The following MICAL3 variants were observed in gnomAD, a reference collection of about 807,000 sequenced individuals.
MICAL3 encodes microtubule associated monooxygenase, calponin and LIM domain containing 3.
MICAL3 carries 62 observed loss-of-function variants against 207.4 expected under a neutral mutation model. The observed-to-expected ratio is 0.30, with a 90% CI of 0.24 to 0.37. MICAL3 has a LOEUF of 0.37. MICAL3 is among the 10% of genes least tolerant of loss of function. The pLI, the probability that MICAL3 is intolerant of heterozygous loss-of-function variation, is 1.00. For synonymous variants in MICAL3, 1,077 were observed against 1,069.3 expected, an observed-to-expected ratio of 1.01 and a Z score of -0.14; for missense variants, 2,368 against 2,635.6, an observed-to-expected ratio of 0.90 and a Z score of 2.22.
chr22:17,906,489 G>A lies in MICAL3; in HGVS notation c.264+60C>T, dbSNP rs186773009. Reference sequence around the variant, plus strand: ...TGGTGAATGGCCAGAGATGCAAGACGTTGTTGAGGGAGAAGGCATCTCGTC... The same window carrying A: ...TGGTGAATGGCCAGAGATGCAAGACATTGTTGAGGGAGAAGGCATCTCGTC... On this transcript the variant is annotated intron_variant, in intron 2 of 31. Transcript: ENST00000441493. 8.6e-5 allele frequency: 139 copies of A among 1,611,204 alleles called. 1 individual carries two copies. The African/African-American group carries it at 1.5e-3, about 17-fold the overall frequency.
chr22:17,941,932 G>A lies in MICAL3; in HGVS notation c.-74-35046C>T, dbSNP rs114106832. Among the ~76,000 whole-genome samples the A allele has an allele frequency of 9.0e-3, 1,368 of 152,262 alleles. 21 individuals are homozygous for A. Among genetic ancestry groups the A allele is most frequent in the African/African-American group, 0.031 (1,288 of 41,546 alleles). ...GGCCTGGGGCTGCAGCACAGGCAGCGGAACAGGCAGAGGTTCACCCACCTT... is the reference window on the plus strand; with the variant it reads ...GGCCTGGGGCTGCAGCACAGGCAGCAGAACAGGCAGAGGTTCACCCACCTT... On this transcript the variant is annotated intron_variant, in intron 1 of 31. Transcript: ENST00000441493.
Position 17,810,729 on chromosome 22 carries a change from C to T in MICAL3, c.5530G>A (p.Glu1844Lys). 6.2e-7 allele frequency: 1 copy of T among 1,614,020 alleles called. No homozygotes were observed. Among genetic ancestry groups the T allele is most frequent in the South Asian group, 1.1e-5 (1 of 91,076 alleles). ...KAARRQAKQEELKRLHRAQII... is the reference protein window; with the variant it reads ...KAARRQAKQEKLKRLHRAQII... ...TGGGCTCGATGCAGCCGCTTAAGCT[C>T]CTCCTGCTTGGCCTGTCTCCGAGCT... is the stretch of plus-strand genomic sequence containing the variant. Residue 1844 changes from glutamate to lysine, a missense_variant, in exon 28 of 32, where the codon GAG becomes AAG. This residue lies in a region of MICAL3 where 1,770 missense variants were observed against 1,863.2 expected (regional missense o/e 0.95). Coordinates refer to ENST00000441493, the MANE Select transcript of MICAL3 (RefSeq NM_015241.3).
At chr22:17,804,715 C>A (rs983699138) in intron 29 of MICAL3, among the ~76,000 whole-genome samples, 2 of 152,204 alleles carry the variant, frequency 1.3e-5, no homozygotes. Flanking sequence ...GAGCACAGCA[C>A]TCGGCCGCCA....
chr22:17,818,752 G>A lies in MICAL3; in HGVS notation c.3909C>T (p.Asp1303=), dbSNP rs764317227. The part of the protein sequence containing the change: ...LAPLPVQSQS[D]TKDRLGSPLA... ...GGGGGCTGCCCAGTCTGTCCTTGGTGTCACTTTGGCTTTGGACAGGGAGAG... is the reference window on the plus strand; with the variant it reads ...GGGGGCTGCCCAGTCTGTCCTTGGTATCACTTTGGCTTTGGACAGGGAGAG... Residue 1303 remains aspartate, a synonymous_variant, in exon 26 of 32, where the codon GAC becomes GAT. Transcript: ENST00000441493. 1 of 1,602,190 alleles carries A rather than the reference G, an allele frequency of 6.2e-7. No individual in the cohort carries two copies. The highest frequency in any genetic ancestry group is 1.1e-5 in the South Asian group (1 of 89,978).
chr22:17,978,708 G>C (rs1340210606), intron 1 of MICAL3, among the ~76,000 whole-genome samples: 1 of 151,704 alleles, frequency 6.6e-6, no homozygotes, highest in Non-Finnish European at 1.5e-5. Context: ...TAGTAGAGAC[G>C]GGGTTTCACC....
chr22:17,990,638 A>G (rs1921574311), intron 1 of MICAL3, among the ~76,000 whole-genome samples: 1 of 152,176 alleles, frequency 6.6e-6, no homozygotes, highest in African/African-American at 2.4e-5. Context: ...CCAAACTCTT[A>G]ACCACAACAC....
intron 19 of MICAL3, chr22:17,864,531 G>C (rs1385512239): frequency 1.4e-6 from 2 of 1,437,694 alleles, no homozygotes; most frequent in Non-Finnish European, 1.8e-6. Context: ...GATGGGAGCA[G>C]TGTCTGAGCG....
rs151250591 is a variant in MICAL3, at chr22:17,817,435, G to A, written c.5226C>T (p.Ser1742=). ...AAAKPKSLWK[S]VFSGYKKDKK... ...TGTCCTTCTTGTACCCGGAGAAGACGGACTTCCACAGGGACTTGGGTTTGG... is the reference window on the plus strand; with the variant it reads ...TGTCCTTCTTGTACCCGGAGAAGACAGACTTCCACAGGGACTTGGGTTTGG... The change falls in exon 26 of 32, where the codon TCC becomes TCT. Residue 1742 remains serine, a synonymous_variant. Coordinates refer to ENST00000441493, the MANE Select transcript of MICAL3 (RefSeq NM_015241.3). The A allele has an allele frequency of 2.6e-4, 424 of 1,613,710 alleles. 2 individuals are homozygous for A. The African/African-American group carries it at 5.0e-3, about 19-fold the overall frequency.
In MICAL3 at chr22:17,879,434, A is replaced by C. The variant is rs114324773; in HGVS notation, c.2241+6444T>G. 9.0e-4 allele frequency: 1,426 copies of C among 1,589,930 alleles called. 20 individuals carry two copies. The African/African-American group carries it at 0.018, about 20-fold the overall frequency. On this transcript the variant is annotated intron_variant, in intron 16 of 31. Coordinates refer to ENST00000441493, the MANE Select transcript of MICAL3 (RefSeq NM_015241.3). The stretch of plus-strand genomic sequence containing the variant: ...GCAACAAAGTAGAAACTTAAGCTCC[A>C]TGCATATCGCTCTATTTGGACCTAC...
rs1462319742 is a variant in MICAL3 at position 17,900,705 on chromosome 22, C to T, written c.847+137G>A. 4.5e-6 allele frequency: 3 copies of T among 667,168 alleles called. No homozygotes were observed. Among genetic ancestry groups the T allele is most frequent in the East Asian group, 2.7e-5 (1 of 37,042 alleles). 41.3% of individuals were successfully genotyped at this position (667,168 alleles called of 1,614,324 possible). A position where few individuals can be genotyped will look rare whatever the true frequency, so the allele number is the denominator to read the frequency against. On this transcript the variant is annotated intron_variant, in intron 6 of 31. Transcript: ENST00000441493. The surrounding 1 kb of genome is among the most constrained non-coding windows in gnomAD (Gnocchi z 4.0). ...GAAGCAATGCGCTAGGAAGAAGGAA[C>T]AGGAGTGAAAAGAGCAGGAGGGGCA...
In MICAL3 at chr22:17,818,147, G is replaced by A. The variant is rs752726845; in HGVS notation, c.4514C>T (p.Pro1505Leu). ...MRPPREPAQP[P>L]REEVRKSFVE... is the part of the protein sequence containing the mutation. The stretch of plus-strand genomic sequence containing the variant: ...AAACGACTTCCGCACCTCCTCTCTG[G>A]GGGGCTGAGCAGGCTCCCGGGGGGG... Residue 1505 changes from proline (P) to leucine (L), a missense_variant, in exon 26 of 32, where the codon CCC becomes CTC. Transcript: ENST00000441493. 1.2e-6 allele frequency: 2 copies of A among 1,606,112 alleles called. No individual in the cohort carries two copies. Among genetic ancestry groups the A allele is most frequent in the Admixed American group, 1.7e-5 (1 of 59,132 alleles).
chr22:17,978,001 A>G (rs1321215799), intron 1 of MICAL3, among the ~76,000 whole-genome samples: 2 of 152,132 alleles, frequency 1.3e-5, no homozygotes, highest in Non-Finnish European at 2.9e-5. Flanking sequence ...CAGCCTGCGC[A>G]ACAAGAGTGA....
intron 2 of MICAL3, among the ~76,000 whole-genome samples, chr22:17,905,577 T>C (rs997513100): frequency 1.3e-5 from 2 of 152,254 alleles, no homozygotes; most frequent in African/African-American, 4.8e-5. Context: ...TGAATTTTGC[T>C]GATGAATATC....
intron 19 of MICAL3, chr22:17,862,756 G>A (rs1926658120): frequency 1.0e-6 from 1 of 985,506 alleles, no homozygotes; most frequent in Non-Finnish European, 1.2e-6. Context: ...GAGGCAAGGT[G>A]CCCTGATTCT....
intron 16 of MICAL3, among the ~76,000 whole-genome samples, chr22:17,878,356 G>A (rs1043512432): frequency 3.3e-5 from 5 of 152,178 alleles, no homozygotes; most frequent in South Asian, 2.1e-4. Context: ...GGTGAGCACC[G>A]TGGGGCGAGG....
intron 29 of MICAL3, among the ~76,000 whole-genome samples, chr22:17,795,241 T>A (rs1353882161): frequency 1.3e-5 from 2 of 152,234 alleles, no homozygotes; most frequent in Non-Finnish European, 2.9e-5. Flanking sequence ...TCCTCAACAA[T>A]ACACTCTGCC....
At chr22:17,890,192 G>C (rs1471337987) in intron 12 of MICAL3, among the ~76,000 whole-genome samples, 1 of 152,024 alleles carries the variant, frequency 6.6e-6, no homozygotes, top group African/African-American at 2.4e-5. Context: ...TGTTAATCTA[G>C]GATCCCACAG....
chr22:18,002,377 T>C (rs1923094020), intron 1 of MICAL3, among the ~76,000 whole-genome samples: 1 of 152,102 alleles, frequency 6.6e-6, no homozygotes, highest in Admixed American at 6.6e-5. Flanking sequence ...ACGCCTGTAA[T>C]CCCAGCACTT....
chr22:17,828,779 G>A (rs1261142769), intron 21 of MICAL3, among the ~76,000 whole-genome samples: 1 of 152,248 alleles, frequency 6.6e-6, no homozygotes, highest in East Asian at 1.9e-4. Flanking sequence ...CAACTGGGAA[G>A]GGAAGGTGGC....
Sources: allele counts gnomAD v4.1 joint callset (sites outside exome capture counted in the v4.1 genomes callset), GRCh38; gene constraint gnomAD v4.1.1; regional missense constraint gnomAD v4.1.1; non-coding constraint Gnocchi (gnomAD v3.1); transcripts MANE v1.5; gene names NCBI Gene and HGNC (gene_info 2026-07-23, HGNC 2026-07-21).